The following FBXL20 variants were observed in gnomAD, a reference collection of about 807,000 sequenced individuals.
FBXL20 encodes F-box and leucine rich repeat protein 20.
Under a neutral mutation model 64.0 loss-of-function variants are expected in FBXL20, and 11 were observed. The ratio of observed to expected loss-of-function variants is 0.17; its 90% CI spans 0.11 to 0.28. The LOEUF is 0.28. Among genes scored for constraint, FBXL20 ranks in the 10% least tolerant of loss-of-function variants. The pLI is 1.00. For missense variants in FBXL20, 303 were observed against 526.2 expected (o/e 0.58, Z 4.15); for synonymous variants, 184 against 189.0 (o/e 0.97, Z 0.22).
intron 6 of FBXL20, among the ~76,000 whole-genome samples, chr17:39,294,873 A>G (rs1204944631): frequency 6.6e-6 from 1 of 152,168 alleles, no homozygotes; most frequent in African/African-American, 2.4e-5. Flanking sequence ...TTAGTTGGAC[A>G]TGGTGGCATG....
chr17:39,363,704 G>A (rs905466370), intron 1 of FBXL20, among the ~76,000 whole-genome samples: 1 of 151,158 alleles, frequency 6.6e-6, no homozygotes, highest in Non-Finnish European at 1.5e-5. Flanking sequence ...CCAGCTACTT[G>A]GGAGGAAGAG....
In FBXL20 at chr17:39,386,308, AAAAT is replaced by A. The variant is rs368351934; in HGVS notation, c.42+15049_42+15052del. On this transcript the variant is annotated intron_variant, in intron 1 of 14. Transcript: ENST00000264658. ...GGTGACAGAGCAAGACTCTGTCTCA[AAAAT>A]AAATAAATAAATAAATAAAAATTAA... Among the ~76,000 whole-genome samples, 32 of 151,334 alleles carry A rather than the reference AAAAT, an allele frequency of 2.1e-4. No homozygotes were observed. The Middle Eastern group carries it at 0.01, about 48-fold the overall frequency.
chr17:39,311,190 C>T (rs2144484685), intron 2 of FBXL20, among the ~76,000 whole-genome samples: 1 of 152,030 alleles, frequency 6.6e-6, no homozygotes, highest in South Asian at 2.1e-4. Flanking sequence ...AAAACAAAAC[C>T]CCGTGTCACA....
chr17:39,366,953 G>A (rs540865648), intron 1 of FBXL20, among the ~76,000 whole-genome samples: 20 of 148,764 alleles, frequency 1.3e-4, no homozygotes, highest in African/African-American at 4.0e-4. Context: ...GCACAATCTC[G>A]ACTCACTGCA....
intron 2 of FBXL20, among the ~76,000 whole-genome samples, chr17:39,316,540 A>G (rs1201506172): frequency 1.3e-5 from 2 of 152,200 alleles, no homozygotes; most frequent in African/African-American, 2.4e-5. Flanking sequence ...ACACGTCAAA[A>G]AGTCATGGTA....
At position 39,395,422 on chromosome 17, in the gene FBXL20, T is replaced by C. The variant is rs182448932; in HGVS notation, c.42+5939A>G. 6.6e-3 allele frequency among the ~76,000 whole-genome samples: 1,011 copies of C among 152,254 alleles called. 5 individuals carry two copies. The highest frequency in any genetic ancestry group is 0.011 in the Non-Finnish European group (769 of 68,018). On this transcript the variant is annotated intron_variant, in intron 1 of 14. Transcript: ENST00000264658. The stretch of plus-strand genomic sequence containing the variant: ...CTGGGCAACAGAGTGAGACTCCGTC[T>C]CAAAAATAAATAAATAAAAGGTAAA...
At chr17:39,364,168 G>A (rs1036999555) in intron 1 of FBXL20, among the ~76,000 whole-genome samples, 10 of 152,112 alleles carry the variant, frequency 6.6e-5, no homozygotes, top group African/African-American at 9.7e-5. Flanking sequence ...GGGATTACAA[G>A]ATGTGAGCCA....
intron 1 of FBXL20, among the ~76,000 whole-genome samples, chr17:39,377,748 C>T (rs1388402402): frequency 6.6e-6 from 1 of 152,116 alleles, no homozygotes; most frequent in African/African-American, 2.4e-5. Context: ...GTGATCCGCT[C>T]CCCCTAGGCC....
At position 39,260,931 on chromosome 17, in the gene FBXL20, A is replaced by G. The variant is rs948917237; in HGVS notation, c.*529T>C. On this transcript the variant is annotated 3_prime_UTR_variant, in exon 15 of 15. Coordinates refer to ENST00000264658, the MANE Select transcript of FBXL20 (RefSeq NM_032875.3). ...AGCCTTCTTTGTGAGCATGCTCAGC[A>G]TGTTGGCATGGAAACAAGGAAGCAT... is the stretch of plus-strand genomic sequence containing the variant. 2 of 156,058 alleles carry G rather than the reference A, an allele frequency of 1.3e-5. No homozygotes were observed. Among genetic ancestry groups the G allele is most frequent in the African/African-American group, 2.4e-5 (1 of 41,478 alleles). 9.7% of individuals were successfully genotyped at this position (156,058 alleles called of 1,614,324 possible). A position where few individuals can be genotyped will look rare whatever the true frequency, so the allele number is the denominator to read the frequency against.
chr17:39,379,430 G>A (rs1229546284), intron 1 of FBXL20, among the ~76,000 whole-genome samples: 1 of 145,842 alleles, frequency 6.9e-6, no homozygotes, highest in Non-Finnish European at 1.5e-5. Context: ...CTCAGTTCGA[G>A]AGGCCAGCAG....
At chr17:39,277,053 T>C (rs2144373613) in intron 9 of FBXL20, among the ~76,000 whole-genome samples, 1 of 152,400 alleles carries the variant, frequency 6.6e-6, no homozygotes, top group Admixed American at 6.5e-5. Context: ...TTCTTGTCTC[T>C]GTTTAATAGT....
At chr17:39,327,996 C>A (rs1254779501) in intron 2 of FBXL20, among the ~76,000 whole-genome samples, 2 of 152,022 alleles carry the variant, frequency 1.3e-5, no homozygotes, top group African/African-American at 4.8e-5. Context: ...GCCTGTAATC[C>A]CAGCACTTTG....
At chr17:39,320,561 G>A (rs2144511282) in intron 2 of FBXL20, among the ~76,000 whole-genome samples, 1 of 151,144 alleles carries the variant, frequency 6.6e-6, no homozygotes, top group Middle Eastern at 3.4e-3. Context: ...ACTGATTTCT[G>A]ATAGTGCCCT....
intron 2 of FBXL20, among the ~76,000 whole-genome samples, chr17:39,329,519 A>G (rs778374033): frequency 6.6e-6 from 1 of 152,238 alleles, no homozygotes; most frequent in South Asian, 2.1e-4. Context: ...TCTGGATTAC[A>G]TAACAGTACT....
At chr17:39,309,249 T>C (rs2047209942) in intron 2 of FBXL20, among the ~76,000 whole-genome samples, 1 of 152,150 alleles carries the variant, frequency 6.6e-6, no homozygotes, top group Non-Finnish European at 1.5e-5. Context: ...AAGAAAACTA[T>C]ACCTTGTATC....
chr17:39,263,971 G>C (rs928120052), intron 14 of FBXL20: 2 of 552,622 alleles, frequency 3.6e-6, no homozygotes, highest in African/African-American at 3.8e-5. Context: ...CTTCCCTTCA[G>C]TGGGTCTTTT....
rs745345651 is a variant in FBXL20 at position 39,343,163 on chromosome 17, T to C, written c.104+17A>G. The C allele has an allele frequency of 6.4e-7, 1 of 1,570,340 alleles. No individual in the cohort carries two copies. On this transcript the variant is annotated intron_variant, in intron 2 of 14. Transcript: ENST00000264658. Reference sequence around the variant, plus strand: ...CATACACATAAAAAAACCCATAAAATTAGCATTCAGACTTACCGTAACAGG... The same window carrying C: ...CATACACATAAAAAAACCCATAAAACTAGCATTCAGACTTACCGTAACAGG...
At chr17:39,371,377 G>A (rs992210374) in intron 1 of FBXL20, among the ~76,000 whole-genome samples, 1 of 151,686 alleles carries the variant, frequency 6.6e-6, no homozygotes. Flanking sequence ...CTTTTCTCTG[G>A]GGCCATTCTT....
At chr17:39,338,090 T>C (rs1041608955) in intron 2 of FBXL20, among the ~76,000 whole-genome samples, 3 of 151,884 alleles carry the variant, frequency 2.0e-5, no homozygotes, top group Admixed American at 6.6e-5. Flanking sequence ...TTTTGTGGAA[T>C]AGAAAGGGGG....
Sources: allele counts gnomAD v4.1 joint callset (sites outside exome capture counted in the v4.1 genomes callset), GRCh38; gene constraint gnomAD v4.1.1; transcripts MANE v1.5; gene names NCBI Gene and HGNC (gene_info 2026-07-23, HGNC 2026-07-21).